PCDH7: variants seen among roughly 807,000 people sequenced by gnomAD.
PCDH7 encodes protocadherin 7.
Under a neutral mutation model 58.9 loss-of-function variants are expected in PCDH7, and 17 were observed. The ratio of observed to expected loss-of-function variants is 0.29; its 90% CI spans 0.20 to 0.43. The LOEUF (loss-of-function observed/expected upper bound fraction) is 0.43, where lower values mean the gene tolerates loss of function less well. Among genes scored for constraint, PCDH7 ranks in the 20% least tolerant of loss-of-function variants. PCDH7 has a pLI of 1.00. For synonymous variants in PCDH7, 664 were observed against 616.4 expected (o/e 1.08, Z -1.14); for missense variants, 1,274 against 1,441.0 (o/e 0.88, Z 1.88).
chr4:30,811,058 T>C (rs903678100), intron 1 of PCDH7, among the ~76,000 whole-genome samples: 18 of 152,236 alleles, frequency 1.2e-4, no homozygotes, highest in Admixed American at 1.2e-3. Context: ...CATCATGGTT[T>C]ACCATGACGG....
intron 1 of PCDH7, among the ~76,000 whole-genome samples, chr4:30,904,816 G>A (rs73812671): frequency 0.014 from 2,155 of 152,224 alleles, 44 homozygotes; most frequent in African/African-American, 0.049. Flanking sequence ...GTAGTAAAAG[G>A]TTTGGGTGCC....
At chr4:30,809,437 G>A (rs1726691170) in intron 1 of PCDH7, among the ~76,000 whole-genome samples, 1 of 152,004 alleles carries the variant, frequency 6.6e-6, no homozygotes, top group South Asian at 2.1e-4. Flanking sequence ...AGTTTCTACG[G>A]TGGTCAAATG....
At chr4:31,060,988 T>C (rs6816605) in intron 3 of PCDH7, among the ~76,000 whole-genome samples, 2,863 of 151,788 alleles carry the variant, frequency 0.019, 84 homozygotes, top group African/African-American at 0.065. Context: ...TTATGCCATT[T>C]ATAAGGAGAG....
chr4:31,037,821 G>C (rs1755543797), intron 3 of PCDH7, among the ~76,000 whole-genome samples: 1 of 152,162 alleles, frequency 6.6e-6, no homozygotes, highest in African/African-American at 2.4e-5. Context: ...TTAAATGCTG[G>C]AAACCTAGAG....
chr4:30,943,166 C>T (rs541104314), intron 2 of PCDH7, among the ~76,000 whole-genome samples: 2 of 152,086 alleles, frequency 1.3e-5, no homozygotes, highest in African/African-American at 4.8e-5. Context: ...CATATCAATT[C>T]TGCTTCATTG....
chr4:31,019,274 T>C (rs1753840787), intron 3 of PCDH7, among the ~76,000 whole-genome samples: 2 of 152,180 alleles, frequency 1.3e-5, no homozygotes, highest in South Asian at 2.1e-4. Context: ...GCTAGAGTTA[T>C]ATTTATTAAC....
intron 1 of PCDH7, among the ~76,000 whole-genome samples, chr4:30,751,725 A>G (rs1718549194): frequency 6.6e-6 from 1 of 152,140 alleles, no homozygotes; most frequent in African/African-American, 2.4e-5. Flanking sequence ...TGGAACTGAT[A>G]TTGTAGATTT....
In PCDH7 at chr4:30,726,397, A is replaced by G. The variant is rs367575236; in HGVS notation, c.3174+1801A>G. ...TGTGTAATCTTATGCTTTTGAATGG[A>G]CATATCAAGTGACACTTTTATGGAT... On this transcript the variant is annotated intron_variant, in intron 1 of 1. Transcript: ENST00000361762. 1.5e-4 allele frequency among the ~76,000 whole-genome samples: 23 copies of G among 152,118 alleles called. No individual in the cohort carries two copies. In the East Asian group the frequency reaches 3.9e-3, roughly 26 times the overall value.
At position 30,835,944 on chromosome 4, in the gene PCDH7, A is replaced by G. The variant is rs571413021; in HGVS notation, c.71-84209A>G. Among the ~76,000 whole-genome samples the G allele has an allele frequency of 7.2e-5, 11 of 152,326 alleles. 1 individual carries two copies. Among genetic ancestry groups the G allele is most frequent in the African/African-American group, 2.6e-4 (11 of 41,584 alleles). Reference sequence around the variant, plus strand: ...ATATGAAAAAGAAGCCTTATTTAGCATGAAACACTGCTATATTATTTTAAT... The same window carrying G: ...ATATGAAAAAGAAGCCTTATTTAGCGTGAAACACTGCTATATTATTTTAAT... On this transcript the variant is annotated intron_variant, in intron 1 of 3. Transcript: ENST00000509759.
intron 1 of PCDH7, among the ~76,000 whole-genome samples, chr4:30,752,057 G>T (rs1718598552): frequency 6.6e-6 from 1 of 152,106 alleles, no homozygotes; most frequent in Non-Finnish European, 1.5e-5. Context: ...AAAAGAATAT[G>T]TCTAGGTAGT....
rs148493659 is a variant in PCDH7 at position 31,000,496 on chromosome 4, A to G, written c.*7+50281A>G. On this transcript the variant is annotated intron_variant, in intron 3 of 3. Coordinates refer to the PCDH7 transcript ENST00000509759. ...GTTTAAAAGATCTGCTATCCTGGAA[A>G]ATTATTTTCTATGTCCTTAGTATTT... Among the ~76,000 whole-genome samples the G allele has an allele frequency of 3.1e-3, 467 of 152,228 alleles. 4 individuals carry two copies. The highest frequency in any genetic ancestry group is 0.011 in the African/African-American group (448 of 41,572).
intron 1 of PCDH7, among the ~76,000 whole-genome samples, chr4:30,845,886 C>G (rs1205395869): frequency 6.6e-6 from 1 of 152,132 alleles, no homozygotes; most frequent in East Asian, 1.9e-4. Context: ...AACCACCACA[C>G]TTGGCCTCTC....
chr4:31,088,953 C>T (rs1273127426), intron 3 of PCDH7, among the ~76,000 whole-genome samples: 1 of 151,906 alleles, frequency 6.6e-6, no homozygotes, highest in Non-Finnish European at 1.5e-5. Context: ...ATGTGTAACA[C>T]CTAAAAATAT....
intron 1 of PCDH7, among the ~76,000 whole-genome samples, chr4:30,847,725 T>C (rs934709446): frequency 6.6e-5 from 10 of 152,164 alleles, no homozygotes; most frequent in African/African-American, 2.4e-4. Flanking sequence ...TAAAGTGTTA[T>C]AAACAAATTG....
At chr4:30,899,600 G>A (rs1453207850) in intron 1 of PCDH7, among the ~76,000 whole-genome samples, 1 of 152,168 alleles carries the variant, frequency 6.6e-6, no homozygotes, top group Non-Finnish European at 1.5e-5. Context: ...TAAGTCATCT[G>A]ATAATCTCTA....
At chr4:30,889,713 T>C (rs1738359537) in intron 1 of PCDH7, among the ~76,000 whole-genome samples, 1 of 152,090 alleles carries the variant, frequency 6.6e-6, no homozygotes, top group Non-Finnish European at 1.5e-5. Context: ...TCTCATATGG[T>C]GTAAGGAGCA....
chr4:30,837,589 G>A (rs186895328), intron 1 of PCDH7, among the ~76,000 whole-genome samples: 2 of 152,034 alleles, frequency 1.3e-5, no homozygotes, highest in Admixed American at 6.6e-5. Flanking sequence ...AGTATGTAGA[G>A]TGTTTGAGGG....
At chr4:30,836,243 A>C (rs1730466076) in intron 1 of PCDH7, among the ~76,000 whole-genome samples, 1 of 152,232 alleles carries the variant, frequency 6.6e-6, no homozygotes, top group African/African-American at 2.4e-5. Context: ...TAAACAAGAT[A>C]AATAAGATGT....
At chr4:30,871,691 G>A (rs1354966688) in intron 1 of PCDH7, among the ~76,000 whole-genome samples, 2 of 152,022 alleles carry the variant, frequency 1.3e-5, no homozygotes, top group Admixed American at 6.6e-5. Context: ...TCTTAGGCCT[G>A]TCATAAAAAA....
Sources: allele counts gnomAD v4.1 joint callset (sites outside exome capture counted in the v4.1 genomes callset), GRCh38; gene constraint gnomAD v4.1.1; transcripts MANE v1.5; gene names NCBI Gene and HGNC (gene_info 2026-07-23, HGNC 2026-07-21).